Variants in XKR6 observed in about 807,000 individuals in gnomAD.
The protein encoded by XKR6 is XK related 6.
Under a neutral mutation model 56.7 loss-of-function variants are expected in XKR6, and 22 were observed. The observed-to-expected ratio is 0.39, with a 90% CI of 0.28 to 0.55. The LOEUF (loss-of-function observed/expected upper bound fraction) is 0.55. XKR6 is among the 20% of genes least tolerant of loss of function. The probability of loss-of-function intolerance (pLI) is 0.66; values close to 1 mark genes in which losing one functional copy is unlikely to be tolerated. For synonymous variants in XKR6, 524 were observed against 387.8 expected (o/e 1.35, Z -4.13); for missense variants, 852 against 889.0 (o/e 0.96, Z 0.53).
At chr8:11,190,279 GGAAAATAAAA>G (rs1296933269) in intron 1 of XKR6, among the ~76,000 whole-genome samples, 3 of 151,234 alleles carry the variant, frequency 2.0e-5, no homozygotes, top group East Asian at 1.9e-4. Context: ...AGAAAAGAAA[GGAAAATAAAA>G]GAAAAGAAAA....
intron 1 of XKR6, among the ~76,000 whole-genome samples, chr8:11,121,182 C>A (rs1799438093): frequency 6.6e-6 from 1 of 152,152 alleles, no homozygotes; most frequent in South Asian, 2.1e-4. Flanking sequence ...CCAAAATTGA[C>A]AAATGGGATC....
intron 1 of XKR6, among the ~76,000 whole-genome samples, chr8:11,113,483 C>G (rs1322798033): frequency 1.3e-5 from 2 of 152,162 alleles, no homozygotes; most frequent in Non-Finnish European, 2.9e-5. Flanking sequence ...CTAACTGATA[C>G]AACTAACATT....
In XKR6 at chr8:10,928,002, T is replaced by G. The variant is rs1036164539; in HGVS notation, c.765-3172A>C. ...AGCCAAGCCTCAATGCAAATGCTCA[T>G]CCTTTCCAACTGCTCCCGGCTCGGT... On this transcript the variant is annotated intron_variant, in intron 1 of 2. Transcript: ENST00000416569. Among the ~76,000 whole-genome samples, 3 of 152,178 alleles carry G rather than the reference T, an allele frequency of 2.0e-5. No individual in the cohort carries two copies. The East Asian group carries it at 5.8e-4, about 29-fold the overall frequency.
intron 1 of XKR6, among the ~76,000 whole-genome samples, chr8:11,130,333 CG>C (rs1800042806): frequency 6.6e-6 from 1 of 152,058 alleles, no homozygotes; most frequent in Non-Finnish European, 1.5e-5. Flanking sequence ...GGGATTTTTA[CG>C]TTTTCCAAAG....
At chr8:10,913,042 G>GTATA (rs59430151) in intron 2 of XKR6, among the ~76,000 whole-genome samples, 21 of 148,718 alleles carry the variant, frequency 1.4e-4, no homozygotes, top group African/African-American at 3.5e-4. Context: ...GTGTGTGCTT[G>GTATA]TATATATATA....
intron 1 of XKR6, among the ~76,000 whole-genome samples, chr8:10,975,573 T>C (rs145648788): frequency 6.9e-4 from 105 of 152,308 alleles, no homozygotes; most frequent in African/African-American, 2.5e-3. Context: ...CCCACGCCAC[T>C]GCACAACGCG....
intron 1 of XKR6, among the ~76,000 whole-genome samples, chr8:11,042,959 G>T (rs1799322099): frequency 6.6e-6 from 1 of 152,076 alleles, no homozygotes; most frequent in Non-Finnish European, 1.5e-5. Flanking sequence ...CAGGAGACTT[G>T]AGATTGGCCA....
chr8:11,142,509 T>C (rs1357119162), intron 1 of XKR6, among the ~76,000 whole-genome samples: 3 of 152,174 alleles, frequency 2.0e-5, no homozygotes, highest in African/African-American at 7.2e-5. Context: ...AGCAGATCCC[T>C]CATGAATGGC....
At chr8:11,193,735 C>T (rs1803709556) in intron 1 of XKR6, among the ~76,000 whole-genome samples, 1 of 104,304 alleles carries the variant, frequency 9.6e-6, no homozygotes, top group South Asian at 4.0e-4. Context: ...TTTTAAGGTT[C>T]TGACCCCCCC....
chr8:10,969,524 G>A (rs946456619), intron 1 of XKR6, among the ~76,000 whole-genome samples: 4 of 152,204 alleles, frequency 2.6e-5, no homozygotes, highest in Non-Finnish European at 4.4e-5. Context: ...GTCCTATGCA[G>A]GCATCCCTGG....
chr8:11,085,818 C>T (rs1797867559), intron 1 of XKR6, among the ~76,000 whole-genome samples: 1 of 152,186 alleles, frequency 6.6e-6, no homozygotes, highest in Non-Finnish European at 1.5e-5. Context: ...AGCTCGAAGC[C>T]ACTGCCGCCG....
chr8:11,185,821 T>C (rs1462399283), intron 1 of XKR6, among the ~76,000 whole-genome samples: 1 of 152,234 alleles, frequency 6.6e-6, no homozygotes, highest in East Asian at 1.9e-4. Context: ...AAAAATTATT[T>C]AAAACTCCAG....
chr8:11,016,461 C>T (rs1798625493), intron 1 of XKR6, among the ~76,000 whole-genome samples: 1 of 152,194 alleles, frequency 6.6e-6, no homozygotes, highest in South Asian at 2.1e-4. Flanking sequence ...TCTCGAGGCG[C>T]AGACAACAAG....
At chr8:11,057,612 G>C (rs1030305698) in intron 1 of XKR6, among the ~76,000 whole-genome samples, 1 of 152,152 alleles carries the variant, frequency 6.6e-6, no homozygotes, top group Non-Finnish European at 1.5e-5. Flanking sequence ...GTGTAGTTTT[G>C]TTCAGCAGGA....
intron 1 of XKR6, among the ~76,000 whole-genome samples, chr8:11,051,869 C>G (rs554350337): frequency 6.6e-6 from 1 of 152,102 alleles, no homozygotes; most frequent in East Asian, 1.9e-4. Flanking sequence ...ACGGGATACA[C>G]GTGCAGAACG....
intron 2 of XKR6, among the ~76,000 whole-genome samples, chr8:10,916,204 G>A (rs1225693156): frequency 1.3e-5 from 2 of 152,218 alleles, no homozygotes; most frequent in African/African-American, 4.8e-5. Context: ...GTCGTTTGAC[G>A]TAGTGGATTG....
chr8:11,135,959 G>T (rs1318948816), intron 1 of XKR6, among the ~76,000 whole-genome samples: 3 of 152,114 alleles, frequency 2.0e-5, no homozygotes, highest in African/African-American at 7.2e-5. Flanking sequence ...TTAATATATT[G>T]TTTATATAAC....
chr8:11,043,034 T>A (rs936737518), intron 1 of XKR6, among the ~76,000 whole-genome samples: 1 of 152,118 alleles, frequency 6.6e-6, no homozygotes, highest in African/African-American at 2.4e-5. Flanking sequence ...TTGCCAGCCC[T>A]GGGGGGCTGG....
intron 1 of XKR6, among the ~76,000 whole-genome samples, chr8:11,073,251 G>A (rs1800180149): frequency 6.6e-6 from 1 of 152,146 alleles, no homozygotes; most frequent in Admixed American, 6.5e-5. Flanking sequence ...CCCTCCTGAT[G>A]CATAATAATT....
Sources: gnomAD v4.1 joint callset for allele counts (sites outside exome capture counted in the v4.1 genomes callset) on GRCh38, gnomAD v4.1.1 for gene constraint, MANE v1.5 for transcripts, NCBI Gene and HGNC (gene_info 2026-07-23, HGNC 2026-07-21) for gene names.